The following PPFIA3 variants were observed in gnomAD, a reference collection of about 807,000 sequenced individuals.
PPFIA3 encodes PPFI scaffold protein A3.
PPFIA3 carries 26 observed loss-of-function variants against 145.8 expected under a neutral mutation model. That is an observed-to-expected ratio of 0.18 (90% CI 0.13 to 0.25). PPFIA3 has a LOEUF of 0.25. Among genes scored for constraint, PPFIA3 ranks in the 10% least tolerant of loss-of-function variants. The pLI, the probability that PPFIA3 is intolerant of heterozygous loss-of-function variation, is 1.00. For synonymous variants in PPFIA3, 645 were observed against 661.4 expected (o/e 0.98, Z 0.38); for missense variants, 1,008 against 1,587.8 (o/e 0.63, Z 6.21).
At position 49,148,693 on chromosome 19, in the gene PPFIA3, C is replaced by T; in HGVS notation, c.3039C>T (p.Cys1013=). Residue 1013 remains cysteine, a synonymous_variant, in exon 25 of 30, where the codon TGC becomes TGT. Transcript: ENST00000334186. The part of the protein sequence containing the change: ...HRVSLHYGIM[C]LKRLNYDRKD... ...TGAGTCTACATTATGGGATTATGTG[C>T]CTGAAACGGCTCAACTATGACCGGA... is the stretch of plus-strand genomic sequence containing the variant. 6.2e-7 allele frequency: 1 copy of T among 1,613,970 alleles called. No homozygotes were observed. Among genetic ancestry groups the T allele is most frequent in the Non-Finnish European group, 8.5e-7 (1 of 1,179,872 alleles).
rs766328303 is a variant in PPFIA3 at position 49,149,756 on chromosome 19, C to G, written c.3526+38C>G. On this transcript the variant is annotated intron_variant, in intron 28 of 29. Transcript: ENST00000334186. This position sits in a 1 kb window ranked among gnomAD's most constrained non-coding sequence, Gnocchi z 5.7. ...CAAATGCGACAGCCCTTCCTCGCTT[C>G]CCTAGGGTGGGGCATGGACCACCTC... is the stretch of plus-strand genomic sequence containing the variant. 73 of 1,570,678 alleles carry G rather than the reference C, an allele frequency of 4.6e-5. No individual in the cohort carries two copies. Among genetic ancestry groups the G allele is most frequent in the Non-Finnish European group, 4.8e-5 (56 of 1,161,468 alleles).
At position 49,148,157 on chromosome 19, in the gene PPFIA3, C is replaced by T. The variant is rs749081572; in HGVS notation, c.2910C>T (p.Tyr970=). ...TGCCCAGCCTGGGGCTGCCCCAATA[C>T]CGCAGCTACTTCATGGAGTCGCTGG... ...DWLPSLGLPQ[Y]RSYFMESLVD... The change falls in exon 24 of 30, where the codon TAC becomes TAT. Residue 970 remains tyrosine (Y), a synonymous_variant. Transcript: ENST00000334186. The T allele has an allele frequency of 1.2e-6, 2 of 1,614,092 alleles. No homozygotes were observed. Among genetic ancestry groups the T allele is most frequent in the Admixed American group, 3.3e-5 (2 of 60,006 alleles).
intron 1 of PPFIA3, chr19:49,125,440 G>C (rs1287993061): frequency 6.6e-6 from 1 of 152,352 alleles, no homozygotes; most frequent in African/African-American, 2.4e-5. Flanking sequence ...CGTCGGACCT[G>C]ATGTGTGTGG....
intron 1 of PPFIA3, among the ~76,000 whole-genome samples, chr19:49,122,362 G>A (rs975959888): frequency 6.6e-6 from 1 of 152,078 alleles, no homozygotes; most frequent in Non-Finnish European, 1.5e-5. Context: ...GATTATAGGC[G>A]TGAGCCACTG....
chr19:49,134,060 T>C lies in PPFIA3; in HGVS notation c.1272T>C (p.Asp424=), dbSNP rs1376216482. 2.5e-6 allele frequency: 4 copies of C among 1,613,422 alleles called. No homozygotes were observed. Among genetic ancestry groups the C allele is most frequent in the East Asian group, 4.5e-5 (2 of 44,888 alleles). ...QRARQREKMN[D]DHNKRLSETV... is the part of the protein sequence containing the mutation. The stretch of plus-strand genomic sequence containing the variant: ...CCCGGCAGCGGGAGAAGATGAACGA[T>C]GACCACAATAAGCGGCTGTCCGAGA... The change falls in exon 11 of 30, where the codon GAT becomes GAC. Residue 424 remains aspartate (D), a synonymous_variant. Transcript: ENST00000334186.
At position 49,130,701 on chromosome 19, in the gene PPFIA3, A is replaced by C; in HGVS notation, c.879+102A>C. The stretch of plus-strand genomic sequence containing the variant: ...ATGGCGGAACCTCGATTCAGTCCAC[A>C]GGCTGGGTGACTCCTCTTTGAGATT... On this transcript the variant is annotated intron_variant, in intron 7 of 29. Coordinates refer to ENST00000334186, the MANE Select transcript of PPFIA3 (RefSeq NM_003660.4). The surrounding 1 kb of genome is among the most constrained non-coding windows in gnomAD (Gnocchi z 4.5). The C allele has an allele frequency of 1.0e-6, 1 of 978,108 alleles. No individual in the cohort carries two copies. The highest frequency in any genetic ancestry group is 1.5e-6 in the Non-Finnish European group (1 of 673,328). The allele number at this position is 978,108 out of a possible 1,614,324, so 60.6% of individuals were successfully genotyped here. A position where few individuals can be genotyped will look rare whatever the true frequency, so the allele number is the denominator to read the frequency against.
intron 1 of PPFIA3, among the ~76,000 whole-genome samples, chr19:49,125,660 G>A (rs1278291880): frequency 6.6e-6 from 1 of 152,216 alleles, no homozygotes; most frequent in Admixed American, 6.5e-5. Flanking sequence ...CCTGGGGGAG[G>A]AGGAGCCTGA....
chr19:49,146,258 T>C, intron 23 of PPFIA3, 66 bp downstream of exon 23: 1 of 1,562,812 alleles, frequency 6.4e-7, no homozygotes, highest in Non-Finnish European at 8.7e-7. Flanking sequence ...ATGCCCCTCC[T>C]CCGAGCCCTG....
chr19:49,136,942 GC>G, intron 15 of PPFIA3, 31 bp downstream of exon 15: 1 of 1,466,980 alleles, frequency 6.8e-7, no homozygotes, highest in Non-Finnish European at 9.1e-7. Flanking sequence ...GGCCTGCCCT[GC>G]CCTGCCGGAG....
intron 15 of PPFIA3, among the ~76,000 whole-genome samples, chr19:49,137,571 A>C (rs2041153354): frequency 7.4e-6 from 1 of 136,040 alleles, no homozygotes; most frequent in Admixed American, 8.4e-5. Flanking sequence ...CGGAGCTTGC[A>C]GTGAGCCGAG....
chr19:49,149,792 G>A lies in PPFIA3; in HGVS notation c.3526+74G>A. On this transcript the variant is annotated intron_variant, in intron 28 of 29. Transcript: ENST00000334186. This position sits in a 1 kb window ranked among gnomAD's most constrained non-coding sequence, Gnocchi z 5.7. Reference sequence around the variant, plus strand: ...GGCATGGACCACCTCAGTAGTCCGGGTTCTGGAATGGCCTAGTCCTTTCTC... The same window carrying A: ...GGCATGGACCACCTCAGTAGTCCGGATTCTGGAATGGCCTAGTCCTTTCTC... 2 of 1,510,516 alleles carry A rather than the reference G, an allele frequency of 1.3e-6. No homozygotes were observed. Among genetic ancestry groups the A allele is most frequent in the Non-Finnish European group, 1.8e-6 (2 of 1,128,296 alleles). 93.6% of individuals were successfully genotyped at this position (1,510,516 alleles called of 1,614,324 possible). A position where few individuals can be genotyped will look rare whatever the true frequency, so the allele number is the denominator to read the frequency against.
chr19:49,142,143 G>A, intron 20 of PPFIA3, 28 bp downstream of exon 20: 1 of 1,548,590 alleles, frequency 6.5e-7, no homozygotes, highest in East Asian at 2.4e-5. Flanking sequence ...TGCCCTGACT[G>A]TTGGTCCCCA....
chr19:49,134,260 C>T (rs976192876), intron 11 of PPFIA3, 95 bp downstream of exon 11: 27 of 1,483,916 alleles, frequency 1.8e-5, no homozygotes, highest in Non-Finnish European at 2.3e-5. Context: ...GATCTGTTAT[C>T]GGAGGCCTCC....
intron 16 of PPFIA3, among the ~76,000 whole-genome samples, 179 bp from the exon 17 acceptor site, chr19:49,139,489 C>CAAAA (rs370199974): frequency 4.7e-5 from 3 of 64,436 alleles, no homozygotes; most frequent in East Asian, 1.0e-3. Context: ...AACTCCATCT[C>CAAAA]AAAAAAAAAA....
chr19:49,141,529 TGTGAGC>T lies in PPFIA3; in HGVS notation c.2462+20_2462+25del. The T allele has an allele frequency of 6.3e-7, 1 of 1,595,974 alleles. No homozygotes were observed. Among genetic ancestry groups the T allele is most frequent in the Non-Finnish European group, 8.6e-7 (1 of 1,164,360 alleles). On this transcript the variant is annotated intron_variant, in intron 19 of 29. Transcript: ENST00000334186. ...ACAAGAGGAAGTGAGTGTGTGTGAG[TGTGAGC>T]GTGTGTGTGTGTATGTGAATGTGAG...
Position 49,130,220 on chromosome 19 carries a change from C to A in PPFIA3, c.657+153C>A, listed in dbSNP as rs891271423. On this transcript the variant is annotated intron_variant, in intron 6 of 29. Transcript: ENST00000334186. This position sits in a 1 kb window ranked among gnomAD's most constrained non-coding sequence, Gnocchi z 4.5. ...TGGACCTCTGATTCAGGTCACCTAG[C>A]GAACTTCTGTGACCTCCTTCACTGA... 6.6e-6 allele frequency among the ~76,000 whole-genome samples: 1 copy of A among 152,176 alleles called. No individual in the cohort carries two copies. The highest frequency in any genetic ancestry group is 1.5e-5 in the Non-Finnish European group (1 of 68,034).
Position 49,150,145 on chromosome 19 carries a change from C to T in PPFIA3, c.*7C>T. ...CCGGACCTATTCCTGCTAGTGCAGGCCTCCAGGTGAGGACCGTGCTGGGCG... is the reference window on the plus strand; with the variant it reads ...CCGGACCTATTCCTGCTAGTGCAGGTCTCCAGGTGAGGACCGTGCTGGGCG... On this transcript the variant is annotated 3_prime_UTR_variant, in exon 29 of 30. Transcript: ENST00000334186. 1.2e-6 allele frequency: 2 copies of T among 1,607,986 alleles called. No individual in the cohort carries two copies. Among genetic ancestry groups the T allele is most frequent in the Non-Finnish European group, 1.7e-6 (2 of 1,177,654 alleles).
chr19:49,149,791 G>T lies in PPFIA3; in HGVS notation c.3526+73G>T. Reference sequence around the variant, plus strand: ...GGGCATGGACCACCTCAGTAGTCCGGGTTCTGGAATGGCCTAGTCCTTTCT... The same window carrying T: ...GGGCATGGACCACCTCAGTAGTCCGTGTTCTGGAATGGCCTAGTCCTTTCT... On this transcript the variant is annotated intron_variant, in intron 28 of 29. Coordinates refer to ENST00000334186, the MANE Select transcript of PPFIA3 (RefSeq NM_003660.4). This position sits in a 1 kb window ranked among gnomAD's most constrained non-coding sequence, Gnocchi z 5.7. 1 of 1,513,344 alleles carries T rather than the reference G, an allele frequency of 6.6e-7. No individual in the cohort carries two copies. The highest frequency in any genetic ancestry group is 1.3e-5 in the South Asian group (1 of 77,030). The allele number at this position is 1,513,344 out of a possible 1,614,324, so 93.7% of individuals were successfully genotyped here.
intron 23 of PPFIA3, among the ~76,000 whole-genome samples, chr19:49,147,132 AT>A (rs1234655694): frequency 6.6e-6 from 1 of 152,124 alleles, no homozygotes; most frequent in African/African-American, 2.4e-5. Context: ...TTAGACAAGT[AT>A]TTTCAGGACA....
Sources: allele counts gnomAD v4.1 joint callset (sites outside exome capture counted in the v4.1 genomes callset), GRCh38; gene constraint gnomAD v4.1.1; non-coding constraint Gnocchi (gnomAD v3.1); transcripts MANE v1.5; gene names NCBI Gene and HGNC (gene_info 2026-07-23, HGNC 2026-07-21).